The following HMCN1 variants were observed in gnomAD, a reference collection of about 807,000 sequenced individuals.
HMCN1 encodes the protein hemicentin 1, also known as hemicentin-1.
In HMCN1, 321 loss-of-function variants were observed where a neutral mutation model predicts 625.9. The ratio of observed to expected loss-of-function variants is 0.51; its 90% CI spans 0.47 to 0.56. The LOEUF is 0.56. Ranked by LOEUF, HMCN1 falls within the 20% of genes least tolerant of loss-of-function variation. The pLI is 0.00. For missense variants in HMCN1, 6,588 were observed against 6,887.3 expected (o/e 0.96, Z 1.54); for synonymous variants, 2,425 against 2,417.6 (o/e 1.00, Z -0.09).
At position 186,178,727 on chromosome 1, in the gene HMCN1, T is replaced by C; in HGVS notation, c.16255T>C (p.Cys5419Arg). 6.2e-7 allele frequency: 1 copy of C among 1,614,098 alleles called. No homozygotes were observed. The highest frequency in any genetic ancestry group is 8.5e-7 in the Non-Finnish European group (1 of 1,179,924). ...GACTAGAAGGACTATTAGGAAAACT[T>C]GCCCTGAAGGCTCTGAGGCAAGCCA... is the stretch of plus-strand genomic sequence containing the variant. ...SRTRRTIRKT[C>R]PEGSEASHDT... Residue 5419 changes from cysteine to arginine, a missense_variant, in exon 104 of 107, where the codon TGC becomes CGC. This residue lies in a region of HMCN1 where 1,954 missense variants were observed against 2,013.1 expected (regional missense o/e 0.97). Coordinates refer to ENST00000271588, the MANE Select transcript of HMCN1 (RefSeq NM_031935.3).
At chr1:185,919,506 GC>G (rs1666895768) in intron 6 of HMCN1, among the ~76,000 whole-genome samples, 1 of 152,134 alleles carries the variant, frequency 6.6e-6, no homozygotes, top group Non-Finnish European at 1.5e-5. Context: ...AGCACCTTGT[GC>G]TTTTCCTGCT....
chr1:185,915,521 G>T (rs1571552990), intron 6 of HMCN1, among the ~76,000 whole-genome samples: 1 of 151,880 alleles, frequency 6.6e-6, no homozygotes, highest in East Asian at 1.9e-4. Flanking sequence ...ATATCCCCTG[G>T]GGTATGTTTC....
chr1:185,984,436 A>G, intron 19 of HMCN1, 123 bp downstream of exon 19: 2 of 1,001,214 alleles, frequency 2.0e-6, no homozygotes, highest in African/African-American at 1.6e-5. Flanking sequence ...GTTATTTCCT[A>G]TTTCTTGAAC....
intron 4 of HMCN1, among the ~76,000 whole-genome samples, chr1:185,908,877 C>T (rs1459435294): frequency 6.7e-6 from 1 of 149,524 alleles, no homozygotes; most frequent in African/African-American, 2.4e-5. Flanking sequence ...ATTAATATGC[C>T]CCATTTACTG....
intron 103 of HMCN1, 39 bp downstream of exon 103, chr1:186,174,681 A>G: frequency 6.2e-7 from 1 of 1,610,466 alleles, no homozygotes; most frequent in East Asian, 2.2e-5. Flanking sequence ...AAAGCTACTG[A>G]TGTAGTTACC....
intron 10 of HMCN1, among the ~76,000 whole-genome samples, chr1:185,929,806 TAA>T (rs1387024993): frequency 6.6e-6 from 1 of 152,166 alleles, no homozygotes; most frequent in Non-Finnish European, 1.5e-5. Flanking sequence ...GCTAGAAAAA[TAA>T]AGTTTGTCTT....
chr1:185,826,847 A>G (rs1660543653), intron 1 of HMCN1, among the ~76,000 whole-genome samples: 1 of 152,092 alleles, frequency 6.6e-6, no homozygotes, highest in African/African-American at 2.4e-5. Context: ...ACTTCCAACA[A>G]ATAGCTGGTA....
At chr1:185,846,644 A>G (rs568827702) in intron 2 of HMCN1, among the ~76,000 whole-genome samples, 141 of 152,282 alleles carry the variant, frequency 9.3e-4, no homozygotes, top group African/African-American at 3.2e-3. Context: ...GAATTTATTC[A>G]TTTAAAAAAT....
At chr1:185,855,632 C>T (rs1361390083) in intron 2 of HMCN1, among the ~76,000 whole-genome samples, 5 of 152,104 alleles carry the variant, frequency 3.3e-5, no homozygotes, top group Non-Finnish European at 7.4e-5. Context: ...GAACCTTCTC[C>T]AAAGACCCAA....
Position 185,864,612 on chromosome 1 carries a change from A to C in HMCN1, c.482A>C (p.Gln161Pro). Residue 161 changes from glutamine to proline, a missense_variant, in exon 3 of 107, where the codon CAA (glutamine) becomes CCA (proline). Gln to Pro is a moderately conservative substitution (Grantham distance 76). Around this residue, in one of 3 missense-constraint regions of HMCN1, gnomAD observed 4,628 missense variants for 4,853.1 expected, o/e 0.95. Coordinates refer to ENST00000271588, the MANE Select transcript of HMCN1 (RefSeq NM_031935.3). ...RLTHEVLQLI[Q>P]QKQSQVVFVL... ...ACCCATGAGGTGCTGCAACTTATCC[A>C]ACAGAAACAGTCACAAGTGAGTAAG... 6.2e-7 allele frequency: 1 copy of C among 1,614,062 alleles called. No homozygotes were observed. The highest frequency in any genetic ancestry group is 1.3e-5 in the African/African-American group (1 of 75,044).
intron 4 of HMCN1, among the ~76,000 whole-genome samples, chr1:185,897,530 T>G (rs555467734): frequency 1.3e-5 from 2 of 152,360 alleles, no homozygotes; most frequent in African/African-American, 4.8e-5. Context: ...GTATCTTTTC[T>G]GATATGGCTT....
rs770590855 is a variant in HMCN1 at position 186,178,520 on chromosome 1, G to A, written c.16048G>A (p.Asp5350Asn). 1.1e-5 allele frequency: 18 copies of A among 1,614,006 alleles called. No homozygotes were observed. The highest frequency in any genetic ancestry group is 1.4e-5 in the Non-Finnish European group (16 of 1,179,998). The change falls in exon 104 of 107, where the codon GAC (aspartate) becomes AAC (asparagine). Residue 5350 changes from aspartate (D) to asparagine (N), a missense_variant. Physicochemically the swap from Asp to Asn is conservative, Grantham distance 23. Around this residue, in one of 3 missense-constraint regions of HMCN1, gnomAD observed 1,954 missense variants for 2,013.1 expected, o/e 0.97. Coordinates refer to ENST00000271588, the MANE Select transcript of HMCN1 (RefSeq NM_031935.3). Reference sequence around the variant, plus strand: ...TCCACCAGGACAACATTTATTAGGGGACGGGAAATCTTGCGCTGGATTGGA... The same window carrying A: ...TCCACCAGGACAACATTTATTAGGGAACGGGAAATCTTGCGCTGGATTGGA... ...ICPPGQHLLG[D>N]GKSCAGLERL...
intron 14 of HMCN1, among the ~76,000 whole-genome samples, chr1:185,968,013 T>C (rs930871137): frequency 2.0e-5 from 3 of 152,148 alleles, no homozygotes; most frequent in East Asian, 1.9e-4. Context: ...ATCAAAACAC[T>C]ACTGAAATCT....
chr1:186,039,804 C>T lies in HMCN1; in HGVS notation c.6105C>T (p.Ala2035=). ...VNNPVRLECE[A]RGIPAPSLTW... is the part of the protein sequence containing the mutation. ...ACCCGGTGAGGTTAGAATGTGAAGC[C>T]AGAGGTATTCCTGCCCCAAGTCTGA... The change falls in exon 39 of 107, where the codon GCC becomes GCT. Residue 2035 remains alanine (A), a synonymous_variant. Coordinates refer to ENST00000271588, the MANE Select transcript of HMCN1 (RefSeq NM_031935.3). 6.2e-7 allele frequency: 1 copy of T among 1,613,392 alleles called. No homozygotes were observed. The highest frequency in any genetic ancestry group is 8.5e-7 in the Non-Finnish European group (1 of 1,179,554).
intron 48 of HMCN1, among the ~76,000 whole-genome samples, chr1:186,064,177 A>G (rs1657958009): frequency 6.6e-6 from 1 of 152,144 alleles, no homozygotes; most frequent in Admixed American, 6.6e-5. Context: ...CATTGCCTAC[A>G]TTTTATAAAA....
chr1:185,944,149 TAAAGG>T (rs1052165734), intron 11 of HMCN1, among the ~76,000 whole-genome samples: 2 of 150,546 alleles, frequency 1.3e-5, no homozygotes, highest in Non-Finnish European at 2.9e-5. Context: ...AACAGGTAGA[TAAAGG>T]AAAGTGGGAA....
intron 4 of HMCN1, among the ~76,000 whole-genome samples, chr1:185,909,014 G>A (rs1666260862): frequency 6.6e-6 from 1 of 151,882 alleles, no homozygotes; most frequent in Non-Finnish European, 1.5e-5. Flanking sequence ...TTTTAAATAA[G>A]TTCTTATCTC....
intron 70 of HMCN1, 65 bp downstream of exon 70, chr1:186,107,030 C>T (rs1226412806): frequency 8.8e-6 from 8 of 905,276 alleles, no homozygotes; most frequent in Admixed American, 8.5e-5. Context: ...CCTGGGACAA[C>T]ACCACAGCAC....
intron 106 of HMCN1, among the ~76,000 whole-genome samples, chr1:186,188,799 T>A (rs774516851): frequency 6.6e-6 from 1 of 152,144 alleles, no homozygotes; most frequent in Non-Finnish European, 1.5e-5. Flanking sequence ...GGACATGGAA[T>A]AGGAAGGAGA....
Sources: gnomAD v4.1 joint callset for allele counts (sites outside exome capture counted in the v4.1 genomes callset) on GRCh38, gnomAD v4.1.1 for gene constraint, gnomAD v4.1.1 regional missense constraint, MANE v1.5 for transcripts, NCBI Gene and HGNC (gene_info 2026-07-23, HGNC 2026-07-21) for gene names.